Variants in CAST observed in about 807,000 individuals in gnomAD.
CAST encodes the protein MIR583 host.
CAST carries 76 observed loss-of-function variants against 119.6 expected under a neutral mutation model. The ratio of observed to expected loss-of-function variants is 0.64; its 90% CI spans 0.53 to 0.77. The LOEUF is 0.77. CAST is among the 30% of genes least tolerant of loss of function. The probability of loss-of-function intolerance (pLI) is 0.00; values close to 1 mark genes in which losing one functional copy is unlikely to be tolerated. For synonymous variants in CAST, 319 were observed against 331.6 expected (o/e 0.96, Z 0.41); for missense variants, 953 against 946.5 (o/e 1.01, Z -0.09).
the CAST span, among the ~76,000 whole-genome samples, chr5:96,367,772 C>T: frequency 2.4e-4 from 36 of 152,034 alleles, 1 homozygote; most frequent in Admixed American, 2.0e-3. Flanking sequence ...TTGTGCTTCC[C>T]GGGTGAGGTG....
At chr5:95,974,003 GCACACACACACA>G in the CAST span, among the ~76,000 whole-genome samples, 2 of 146,876 alleles carry the variant, frequency 1.4e-5, no homozygotes, top group Non-Finnish European at 3.0e-5. Context: ...AAATTTGCAC[GCACACACACACA>G]CACACACACA....
At chr5:96,469,851 A>T in the CAST span, among the ~76,000 whole-genome samples, 2 of 130,190 alleles carry the variant, frequency 1.5e-5, no homozygotes, top group African/African-American at 6.1e-5. Flanking sequence ...AGAGAAATAT[A>T]TATATATGTG....
the CAST span, among the ~76,000 whole-genome samples, chr5:96,298,877 A>AGTGTGTGTGTGTGTGT: frequency 2.1e-4 from 7 of 33,042 alleles, no homozygotes; most frequent in African/African-American, 6.3e-4. Context: ...CTAAATTAGG[A>AGTGTGTGTGTGTGTGT]GAGTGTGTGT....
intron 3 of CAST, among the ~76,000 whole-genome samples, chr5:96,710,499 C>T (rs1198108218): frequency 2.6e-5 from 4 of 152,028 alleles, no homozygotes; most frequent in South Asian, 2.1e-4. Flanking sequence ...TCTATTGTCC[C>T]CCTTCCTCTC....
chr5:95,977,641 AT>A, the CAST span, among the ~76,000 whole-genome samples: 1 of 151,926 alleles, frequency 6.6e-6, no homozygotes, highest in Admixed American at 6.6e-5. Context: ...AAGATAAGTG[AT>A]TTTTCTTTTT....
the CAST span, among the ~76,000 whole-genome samples, chr5:96,184,273 A>T: frequency 6.6e-6 from 1 of 152,072 alleles, no homozygotes; most frequent in Admixed American, 6.6e-5. Flanking sequence ...AGTTGGAAGC[A>T]CTCTCTTACT....
chr5:96,746,301 C>A, intron 16 of CAST, 41 bp from the exon 17 acceptor site: 1 of 1,078,214 alleles, frequency 9.3e-7, no homozygotes, highest in Non-Finnish European at 1.4e-6. Flanking sequence ...TCATTATGTG[C>A]ATTATCCAAC....
At chr5:96,653,290 AT>A (rs906240417) in intron 1 of CAST, among the ~76,000 whole-genome samples, 8 of 152,180 alleles carry the variant, frequency 5.3e-5, no homozygotes, top group Non-Finnish European at 1.2e-4. Flanking sequence ...TTTTAATCAC[AT>A]TTTTTTCCTC....
the CAST span, among the ~76,000 whole-genome samples, chr5:96,252,175 G>T: frequency 5.9e-5 from 9 of 152,048 alleles, no homozygotes. Flanking sequence ...GCAAAAATAT[G>T]ATCCAAAATA....
At chr5:96,570,548 G>A (rs1408079999) in intron 1 of CAST, among the ~76,000 whole-genome samples, 1 of 151,872 alleles carries the variant, frequency 6.6e-6, no homozygotes, top group Non-Finnish European at 1.5e-5. Context: ...GATGAAGAAG[G>A]GATGGATGAG....
the CAST span, among the ~76,000 whole-genome samples, chr5:96,263,963 A>G: frequency 6.6e-6 from 1 of 152,216 alleles, no homozygotes; most frequent in African/African-American, 2.4e-5. Context: ...CCATGATCCA[A>G]TCACTTCCCA....
the CAST span, among the ~76,000 whole-genome samples, chr5:96,168,598 G>A: frequency 6.6e-6 from 1 of 152,192 alleles, no homozygotes; most frequent in African/African-American, 2.4e-5. Flanking sequence ...GCTTGCCTTT[G>A]CTGGTGAGTG....
At chr5:96,416,726 C>G in the CAST span, among the ~76,000 whole-genome samples, 1 of 152,260 alleles carries the variant, frequency 6.6e-6, no homozygotes, top group East Asian at 1.9e-4. Context: ...AAGACATTAC[C>G]AGCTAATTGG....
At chr5:96,149,698 G>A in the CAST span, among the ~76,000 whole-genome samples, 1 of 152,198 alleles carries the variant, frequency 6.6e-6, no homozygotes, top group Admixed American at 6.5e-5. Flanking sequence ...TGCTCTAAGA[G>A]AATGTGTCAG....
At chr5:96,078,053 T>A in the CAST span, among the ~76,000 whole-genome samples, 1 of 152,186 alleles carries the variant, frequency 6.6e-6, no homozygotes, top group East Asian at 1.9e-4. Flanking sequence ...ACTATTAAAT[T>A]GGTATAATAA....
chr5:96,432,182 C>T, the CAST span: 2 of 1,509,578 alleles, frequency 1.3e-6, no homozygotes, highest in Non-Finnish European at 1.8e-6. Context: ...GAAGCTTGGA[C>T]TTTATAAGTT....
the CAST span, among the ~76,000 whole-genome samples, chr5:96,003,267 C>T: frequency 2.5e-3 from 373 of 150,288 alleles, 1 homozygote; most frequent in Middle Eastern, 7.2e-3. Flanking sequence ...TGACCAGGTG[C>T]GGTGGCTCAT....
intron 1 of CAST, among the ~76,000 whole-genome samples, chr5:96,582,538 C>G (rs1023454831): frequency 6.6e-6 from 1 of 152,188 alleles, no homozygotes. Context: ...TGGAGCCTGA[C>G]GCCTGCTCCC....
chr5:96,069,031 A>T, the CAST span, among the ~76,000 whole-genome samples: 2 of 151,218 alleles, frequency 1.3e-5, no homozygotes, highest in African/African-American at 4.9e-5. Flanking sequence ...CCAGATGTAT[A>T]TGTGTGTATG....
Sources: gnomAD v4.1 joint callset for allele counts (sites outside exome capture counted in the v4.1 genomes callset) on GRCh38, gnomAD v4.1.1 for gene constraint, MANE v1.5 for transcripts, NCBI Gene and HGNC (gene_info 2026-07-23, HGNC 2026-07-21) for gene names.